Variants in HELZ2 observed in about 807,000 individuals in gnomAD.
HELZ2 encodes the protein 3'-5' exoribonuclease HELZ2.
Under a neutral mutation model 208.8 loss-of-function variants are expected in HELZ2, and 143 were observed. That is an observed-to-expected ratio of 0.68 (90% CI 0.60 to 0.79). The LOEUF is 0.79. Among genes scored for constraint, HELZ2 ranks in the 30% least tolerant of loss-of-function variants. The pLI, the probability that HELZ2 is intolerant of heterozygous loss-of-function variation, is 0.00. For synonymous variants in HELZ2, 1,705 were observed against 1,693.7 expected (o/e 1.01, Z -0.16); for missense variants, 3,690 against 3,794.5 (o/e 0.97, Z 0.72).
chr20:63,570,871 G>A lies in HELZ2; in HGVS notation c.279-3C>T. ...CCCCATACTCACAGAGGTCAGGCCT[G>A]GGGGACAGGGAGGTCAGCAGGGCTA... On this transcript the variant is annotated splice_polypyrimidine_tract_variant and splice_region_variant and intron_variant, in intron 1 of 18. Transcript: ENST00000467148. 1 of 1,581,224 alleles carries A rather than the reference G, an allele frequency of 6.3e-7. No homozygotes were observed. Among genetic ancestry groups the A allele is most frequent in the Non-Finnish European group, 8.6e-7 (1 of 1,160,070 alleles).
Position 63,563,485 on chromosome 20 carries a change from G to A in HELZ2, c.5337C>T (p.Ala1779=), listed in dbSNP as rs564294842. ...GGCCTGCCAGGGCGTGGGGGTGCTC[G>A]GCCAGCTGCAGGGAGCCGTAGGGGA... The change falls in exon 8 of 19, where the codon GCC becomes GCT. Residue 1779 remains alanine (A), a synonymous_variant. Coordinates refer to ENST00000467148, the Ensembl canonical transcript of HELZ2. The A allele has an allele frequency of 1.8e-5, 27 of 1,514,276 alleles. No homozygotes were observed. In the Admixed American group the frequency reaches 2.3e-4, roughly 13 times the overall value. The allele number at this position is 1,514,276 out of a possible 1,614,324, so 93.8% of individuals were successfully genotyped here.
At chr20:63,569,038 T>G in intron 4 of HELZ2, 39 bp from the exon 6 acceptor site, 1 of 1,596,176 alleles carries the variant, frequency 6.3e-7, no homozygotes, top group Non-Finnish European at 8.5e-7. Flanking sequence ...GGGCCACAGC[T>G]GCCAGCCCCG....
exon 5 of HELZ2, chr20:63,568,565 G>C: frequency 6.3e-7 from 1 of 1,588,486 alleles, no homozygotes; most frequent in Non-Finnish European, 8.5e-7. Flanking sequence ...GGGTGGGACA[G>C]ACCAAGGTCT....
At position 63,569,782 on chromosome 20, in the gene HELZ2, G is replaced by A. The variant is rs930247336; in HGVS notation, c.571-117C>T. ...CAGGTCCTGGCCCTGCCACTTCCTG[G>A]ATAGAACGCAAGCAGGCCACCCGGC... On this transcript the variant is annotated intron_variant, in intron 3 of 18. Transcript: ENST00000467148. The A allele has an allele frequency of 2.3e-5, 27 of 1,168,370 alleles. No homozygotes were observed. The African/African-American group carries it at 3.7e-4, about 16-fold the overall frequency. 72.4% of individuals were successfully genotyped at this position (1,168,370 alleles called of 1,614,324 possible). A position where few individuals can be genotyped will look rare whatever the true frequency, so the allele number is the denominator to read the frequency against.
At chr20:63,559,929 G>C (rs114090481) in exon 18 of HELZ2, 1 of 1,586,330 alleles carries the variant, frequency 6.3e-7, no homozygotes, top group South Asian at 1.1e-5. Flanking sequence ...CGCCCTCACC[G>C]ATCAGGCAGA....
At chr20:63,559,031 G>T, downstream of HELZ2, 1 of 525,250 alleles carries the variant, frequency 1.9e-6, no homozygotes, top group Non-Finnish European at 3.4e-6. Context: ...CACCCTGAGA[G>T]GTGTTCCTGT....
In HELZ2 at chr20:63,562,705, C is replaced by CAT; in HGVS notation, c.6116_6117insAT (p.Tyr2040CysfsTer45). 1.3e-6 allele frequency: 2 copies of CAT among 1,599,830 alleles called. No individual in the cohort carries two copies. The highest frequency in any genetic ancestry group is 1.7e-6 in the Non-Finnish European group (2 of 1,174,462). ...TCTGCCCGTGGGCCACCCAGGTATA[C>CAT]GTGCCGGGGTCAACATTCAGGCCAG... On this transcript the variant is annotated frameshift_variant, in exon 8 of 19. Coordinates refer to ENST00000467148, the Ensembl canonical transcript of HELZ2. LOFTEE classifies it high-confidence loss of function.
chr20:63,572,120 T>C, exon 1 of HELZ2: 2 of 1,609,788 alleles, frequency 1.2e-6, no homozygotes, highest in Non-Finnish European at 1.7e-6. Context: ...TGGGCAGAGC[T>C]CGAACTTGGA....
At chr20:63,569,759 G>A in intron 3 of HELZ2, 94 bp from the exon 5 acceptor site, 1 of 1,321,390 alleles carries the variant, frequency 7.6e-7, no homozygotes, top group Non-Finnish European at 1.0e-6. Flanking sequence ...GCAGGGTTCA[G>A]GTCCTGGCCC....
chr20:63,562,598 A>G (rs1396874042), exon 8 of HELZ2: 10 of 1,599,228 alleles, frequency 6.3e-6, no homozygotes, highest in Non-Finnish European at 8.5e-6. Context: ...AACCTTCTCC[A>G]TGCCCATGTG....
At chr20:63,559,426 G>T in intron 18 of HELZ2, 56 bp from the exon 20 acceptor site, 2 of 1,507,972 alleles carry the variant, frequency 1.3e-6, no homozygotes, top group Non-Finnish European at 1.8e-6. Context: ...AGGAGTCAGG[G>T]TCAGGTGGGA....
In HELZ2 at chr20:63,564,333, G is replaced by A. The variant is rs562297792; in HGVS notation, c.4489C>T (p.Arg1497Cys). Residue 1497 changes from arginine to cysteine, a missense_variant, in exon 8 of 19, where the codon CGC (arginine) becomes TGC (cysteine). By Grantham distance (180) the Arg-to-Cys change is radical (BLOSUM62 -3). Coordinates refer to ENST00000467148, the Ensembl canonical transcript of HELZ2. The stretch of plus-strand genomic sequence containing the variant: ...CAGTCGGACCGCAGGCGGTGCCGGC[G>A]CAGCAGCCGAGAGAAGTAGCACGCG... 1.8e-5 allele frequency: 29 copies of A among 1,582,058 alleles called. No homozygotes were observed. The East Asian group carries it at 4.8e-4, about 26-fold the overall frequency.
At chr20:63,564,828 C>T (rs1346598567) in exon 8 of HELZ2, 14 of 1,610,234 alleles carry the variant, frequency 8.7e-6, no homozygotes, top group South Asian at 3.3e-5. Flanking sequence ...TCTCGGCGGC[C>T]GGCAACCCGG....
chr20:63,566,059 G>C, exon 8 of HELZ2: 1 of 1,588,912 alleles, frequency 6.3e-7, no homozygotes, highest in Non-Finnish European at 8.5e-7. Context: ...CGCAGGCCCC[G>C]AAGGAGCAGA....
exon 13 of HELZ2, chr20:63,561,397 G>A (rs768903157): frequency 1.9e-6 from 3 of 1,612,894 alleles, no homozygotes; most frequent in Admixed American, 1.7e-5. Flanking sequence ...GCAGCCGGGT[G>A]TCAAAGGCCT....
intron 12 of HELZ2, 67 bp from the exon 14 acceptor site, chr20:63,561,533 C>T (rs894331134): frequency 6.4e-7 from 1 of 1,574,160 alleles, no homozygotes; most frequent in Non-Finnish European, 8.6e-7. Context: ...TCAGTGAGAC[C>T]CACCTACACA....
exon 8 of HELZ2, chr20:63,563,852 T>G: frequency 6.3e-7 from 1 of 1,595,972 alleles, no homozygotes; most frequent in African/African-American, 1.3e-5. Context: ...GTGGCCGCCC[T>G]GCTGCTGGTG....
At chr20:63,570,296 C>T (rs765699426) in intron 3 of HELZ2, 2 of 700,588 alleles carry the variant, frequency 2.9e-6, no homozygotes, top group South Asian at 3.0e-5. Flanking sequence ...CATAGAATAA[C>T]CCTGCCAAGG....
chr20:63,566,201 G>A (rs901123954), exon 8 of HELZ2: 2 of 1,509,444 alleles, frequency 1.3e-6, no homozygotes, highest in African/African-American at 1.4e-5. Context: ...GGTGTGCACA[G>A]TGCTGAGCAC....
Sources: allele counts gnomAD v4.1 joint callset, GRCh38; gene constraint gnomAD v4.1.1; transcripts MANE v1.5; gene names NCBI Gene and HGNC (gene_info 2026-07-23, HGNC 2026-07-21).